STIM1: variants seen among roughly 807,000 people sequenced by gnomAD.
The protein encoded by STIM1 is stromal interaction molecule 1.
A neutral mutation model predicts 74.7 loss-of-function variants in STIM1; 25 were observed. That is an observed-to-expected ratio of 0.33 (90% confidence interval 0.24 to 0.47). STIM1 has a LOEUF of 0.47. Ranked by LOEUF, STIM1 falls within the 20% of genes least tolerant of loss-of-function variation. The probability of loss-of-function intolerance (pLI) is 1.00; values close to 1 mark genes in which losing one functional copy is unlikely to be tolerated. For synonymous variants in STIM1, 328 were observed against 348.8 expected (o/e 0.94, Z 0.66); for missense variants, 728 against 920.8 (o/e 0.79, Z 2.71).
At chr11:3,952,054 C>T (rs1354986350) in intron 1 of STIM1, among the ~76,000 whole-genome samples, 1 of 152,114 alleles carries the variant, frequency 6.6e-6, no homozygotes, top group African/African-American at 2.4e-5. Context: ...TTGTGCTGCC[C>T]AGCACTGGGC....
rs1363244879 is a variant in STIM1 at position 3,873,438 on chromosome 11, T to TAAA, written c.139+17029_139+17030insAAA. 1.5e-3 allele frequency among the ~76,000 whole-genome samples: 218 copies of TAAA among 149,580 alleles called. 3 individuals are homozygous for TAAA. The highest frequency in any genetic ancestry group is 5.3e-3 in the African/African-American group (213 of 40,538). On this transcript the variant is annotated intron_variant, in intron 1 of 12. Coordinates refer to ENST00000526596, the MANE Select transcript of STIM1 (RefSeq NM_001382567.1). ...CATTTCAAAAAAAAAAAAAAAAAAA[T>TAAA]TAAAAACTTTTTTTTTTTTGTGGAG...
chr11:3,892,642 T>G, intron 1 of STIM1: 2 of 1,609,118 alleles, frequency 1.2e-6, no homozygotes, highest in Non-Finnish European at 8.5e-7. Flanking sequence ...CATCATCAAA[T>G]TTCTCCCCGT....
chr11:4,002,267 A>G (rs1309146460), intron 2 of STIM1, among the ~76,000 whole-genome samples: 2 of 151,962 alleles, frequency 1.3e-5, no homozygotes, highest in Non-Finnish European at 2.9e-5. Flanking sequence ...TCTCCACCCC[A>G]AATCAACAGA....
intron 2 of STIM1, among the ~76,000 whole-genome samples, chr11:3,982,218 G>T (rs559426168): frequency 1.2e-4 from 18 of 151,336 alleles, no homozygotes; most frequent in Non-Finnish European, 2.5e-4. Context: ...GTAGAGACGG[G>T]GTTTCGCCAT....
intron 2 of STIM1, among the ~76,000 whole-genome samples, chr11:3,992,096 T>G (rs1378875844): frequency 1.9e-4 from 26 of 136,248 alleles, no homozygotes; most frequent in South Asian, 4.6e-4. Context: ...TTTGTTTTTT[T>G]TTTTTTTTTT....
At chr11:4,077,154 A>G (rs1397634561) in intron 7 of STIM1, among the ~76,000 whole-genome samples, 1 of 151,750 alleles carries the variant, frequency 6.6e-6, no homozygotes, top group Non-Finnish European at 1.5e-5. Context: ...TATTTATATT[A>G]ATATAAAATA....
At chr11:3,927,132 C>T (rs569756583) in intron 1 of STIM1, among the ~76,000 whole-genome samples, 66 of 152,260 alleles carry the variant, frequency 4.3e-4, no homozygotes, top group African/African-American at 1.3e-3. Context: ...AACTTTCTGG[C>T]GGTTCAGATT....
At chr11:3,907,577 T>C (rs1014140155) in intron 1 of STIM1, among the ~76,000 whole-genome samples, 6 of 152,232 alleles carry the variant, frequency 3.9e-5, no homozygotes, top group Non-Finnish European at 7.3e-5. Context: ...GCCCTGCTTT[T>C]GCCCTTGCCT....
intron 12 of STIM1, chr11:4,086,975 ATCT>A (rs1213079244): frequency 8.0e-6 from 11 of 1,367,666 alleles, no homozygotes; most frequent in Non-Finnish European, 1.1e-5. Context: ...GCAGTGGGGA[ATCT>A]TCTTATCCTG....
At position 4,039,957 on chromosome 11, in the gene STIM1, T is replaced by G. The variant is rs182257018; in HGVS notation, c.386-15569T>G. ...TAATTTTTTGTATTTTTAGTAGAGA[T>G]GGGGTTTCATCATGTTGGCCAGGCT... On this transcript the variant is annotated intron_variant, in intron 3 of 12. Coordinates refer to ENST00000526596, the MANE Select transcript of STIM1 (RefSeq NM_001382567.1). Among the ~76,000 whole-genome samples, 48 of 151,952 alleles carry G rather than the reference T, an allele frequency of 3.2e-4. 1 individual carries two copies. In the East Asian group the frequency reaches 8.0e-3, roughly 25 times the overall value.
chr11:3,893,955 T>A (rs565086057), intron 1 of STIM1, among the ~76,000 whole-genome samples: 2 of 152,318 alleles, frequency 1.3e-5, no homozygotes, highest in South Asian at 4.1e-4. Context: ...AACTTTTGTA[T>A]TTTTTGTAGA....
intron 1 of STIM1, among the ~76,000 whole-genome samples, chr11:3,937,569 G>T (rs2092950202): frequency 6.6e-6 from 1 of 152,056 alleles, no homozygotes; most frequent in East Asian, 1.9e-4. Flanking sequence ...TGTGGTTTCT[G>T]TATTTACTGT....
intron 2 of STIM1, among the ~76,000 whole-genome samples, chr11:3,996,579 C>T (rs1285423853): frequency 6.6e-6 from 1 of 152,164 alleles, no homozygotes; most frequent in African/African-American, 2.4e-5. Flanking sequence ...CTGTGTTTAG[C>T]TGCATCAGTG....
intron 1 of STIM1, chr11:3,961,464 C>A: frequency 5.8e-6 from 1 of 172,270 alleles, no homozygotes. Context: ...CATTGAATTT[C>A]CAAAATGGGA....
intron 4 of STIM1, among the ~76,000 whole-genome samples, 155 bp from the exon 5 acceptor site, chr11:4,059,126 G>A (rs887928266): frequency 5.9e-5 from 9 of 152,164 alleles, no homozygotes; most frequent in African/African-American, 2.2e-4. Flanking sequence ...CATATACCCT[G>A]TTGAGACCCA....
chr11:3,857,954 C>T (rs1201156648), intron 1 of STIM1, among the ~76,000 whole-genome samples: 1 of 152,198 alleles, frequency 6.6e-6, no homozygotes, highest in Non-Finnish European at 1.5e-5. Flanking sequence ...TAGAGAGTCT[C>T]CTTGACCTTT....
intron 7 of STIM1, among the ~76,000 whole-genome samples, chr11:4,080,580 C>T (rs1301658365): frequency 6.6e-6 from 1 of 151,900 alleles, no homozygotes; most frequent in Non-Finnish European, 1.5e-5. Flanking sequence ...GATCCTCCCA[C>T]CTCAGCCTCC....
At chr11:4,035,817 A>G (rs1427825860) in intron 3 of STIM1, among the ~76,000 whole-genome samples, 1 of 146,820 alleles carries the variant, frequency 6.8e-6, no homozygotes, top group Admixed American at 6.8e-5. Context: ...GGAGAGTTCT[A>G]TAAATGTCAA....
At chr11:3,911,463 A>G (rs2092560753) in intron 1 of STIM1, among the ~76,000 whole-genome samples, 1 of 152,134 alleles carries the variant, frequency 6.6e-6, no homozygotes, top group Non-Finnish European at 1.5e-5. Flanking sequence ...CCCAGGCTGC[A>G]GAGCTCAACC....
Sources: allele counts gnomAD v4.1 joint callset (sites outside exome capture counted in the v4.1 genomes callset), GRCh38; gene constraint gnomAD v4.1.1; transcripts MANE v1.5; gene names NCBI Gene and HGNC (gene_info 2026-07-23, HGNC 2026-07-21).